Variants in COL23A1 observed in about 807,000 individuals in gnomAD.
The protein encoded by COL23A1 is collagen alpha-1(XXIII) chain.
In COL23A1, 97 loss-of-function variants were observed where a neutral mutation model predicts 99.3. The ratio of observed to expected loss-of-function variants is 0.98; its 90% CI spans 0.83 to 1.16. COL23A1 has a LOEUF of 1.16. COL23A1 is among the 50% of genes most tolerant of loss of function. The pLI is 0.00. For missense variants in COL23A1, 762 were observed against 757.4 expected, an observed-to-expected ratio of 1.01 and a Z score of -0.07; for synonymous variants, 320 against 308.2, an observed-to-expected ratio of 1.04 and a Z score of -0.40.
chr5:178,254,441 C>T (rs1765199343), intron 16 of COL23A1, among the ~76,000 whole-genome samples: 1 of 152,220 alleles, frequency 6.6e-6, no homozygotes, highest in Non-Finnish European at 1.5e-5. Flanking sequence ...CCTTCCTCAC[C>T]CACTTTCCTT....
intron 2 of COL23A1, among the ~76,000 whole-genome samples, chr5:178,537,944 C>T (rs1472043251): frequency 6.6e-6 from 1 of 152,248 alleles, no homozygotes; most frequent in African/African-American, 2.4e-5. Flanking sequence ...CCCTGGCACT[C>T]ACCCCAGGTA....
intron 2 of COL23A1, among the ~76,000 whole-genome samples, chr5:178,485,673 G>A (rs1399625197): frequency 6.6e-6 from 1 of 151,546 alleles, no homozygotes; most frequent in African/African-American, 2.4e-5. Flanking sequence ...CCAGCTACTC[G>A]GGAGGCTGAG....
chr5:178,518,737 GGGT>G (rs1279051248), intron 2 of COL23A1, among the ~76,000 whole-genome samples: 1 of 150,618 alleles, frequency 6.6e-6, no homozygotes, highest in African/African-American at 2.4e-5. Flanking sequence ...TTCCCAGACG[GGGT>G]GGCAGCCGGG....
At chr5:178,288,447 C>T in intron 4 of COL23A1, 97 bp from the exon 5 acceptor site, 1 of 1,058,046 alleles carries the variant, frequency 9.5e-7, no homozygotes, top group Non-Finnish European at 1.5e-6. Flanking sequence ...CACCCGCCCC[C>T]CGACAGCTGG....
intron 1 of COL23A1, 91 bp from the exon 2 acceptor site, chr5:178,560,839 T>A: frequency 7.8e-7 from 1 of 1,289,828 alleles, no homozygotes; most frequent in East Asian, 2.5e-5. Context: ...CAAAAACAAA[T>A]GTATCTAAAC....
chr5:178,315,647 A>T (rs1383123333), intron 2 of COL23A1, among the ~76,000 whole-genome samples: 1 of 152,074 alleles, frequency 6.6e-6, no homozygotes, highest in African/African-American at 2.4e-5. Flanking sequence ...GAAGGGGACA[A>T]GGGCTGGTCA....
intron 2 of COL23A1, among the ~76,000 whole-genome samples, chr5:178,484,528 G>C (rs967025833): frequency 3.9e-5 from 6 of 152,030 alleles, no homozygotes; most frequent in Non-Finnish European, 5.9e-5. Context: ...GAAACTGTAA[G>C]AACAGTGAGG....
chr5:178,424,994 C>G (rs1331451786), intron 2 of COL23A1, among the ~76,000 whole-genome samples: 1 of 152,246 alleles, frequency 6.6e-6, no homozygotes, highest in Non-Finnish European at 1.5e-5. Context: ...CCATCCAGTT[C>G]TGGAGGCTTC....
chr5:178,247,981 G>A (rs926570891), intron 20 of COL23A1, 150 bp from the exon 21 acceptor site: 4 of 767,966 alleles, frequency 5.2e-6, no homozygotes, highest in Non-Finnish European at 8.5e-6. Context: ...GGTCTGCGGA[G>A]CTTATAGTGA....
chr5:178,411,801 TCATA>T, intron 2 of COL23A1, among the ~76,000 whole-genome samples: 1 of 152,364 alleles, frequency 6.6e-6, no homozygotes, highest in African/African-American at 2.4e-5. Flanking sequence ...ATATTCAACC[TCATA>T]CATAATTAAA....
chr5:178,578,030 AGCATGCACACACGT>A (rs1223992032), intron 1 of COL23A1, among the ~76,000 whole-genome samples: 4 of 152,220 alleles, frequency 2.6e-5, no homozygotes, highest in South Asian at 4.1e-4. Context: ...GTGCCCACAC[AGCATGCACACACGT>A]GCATGCACAC....
At chr5:178,291,603 T>A (rs1757462334) in intron 3 of COL23A1, among the ~76,000 whole-genome samples, 1 of 152,138 alleles carries the variant, frequency 6.6e-6, no homozygotes, top group Non-Finnish European at 1.5e-5. Flanking sequence ...CGGGGGTTTG[T>A]TTCCATGTAA....
intron 2 of COL23A1, among the ~76,000 whole-genome samples, chr5:178,458,297 G>A (rs1463678119): frequency 6.6e-6 from 1 of 152,114 alleles, no homozygotes; most frequent in Non-Finnish European, 1.5e-5. Flanking sequence ...AGTGGATGCA[G>A]GGGGCGGGGG....
At chr5:178,389,141 C>A (rs909018368) in intron 2 of COL23A1, among the ~76,000 whole-genome samples, 2 of 151,492 alleles carry the variant, frequency 1.3e-5, no homozygotes, top group African/African-American at 4.9e-5. Context: ...TTTACATAAC[C>A]CAGCCTTGAC....
chr5:178,357,880 T>C (rs1398968195), intron 2 of COL23A1, among the ~76,000 whole-genome samples: 1 of 144,648 alleles, frequency 6.9e-6, no homozygotes, highest in Non-Finnish European at 1.6e-5. Context: ...TGTGTGCATG[T>C]GTACGTGTGT....
intron 2 of COL23A1, among the ~76,000 whole-genome samples, chr5:178,437,721 G>A (rs979016307): frequency 2.6e-5 from 4 of 152,172 alleles, no homozygotes; most frequent in Non-Finnish European, 5.9e-5. Context: ...CTGCTCACCT[G>A]GCCCCTCTGT....
At chr5:178,563,765 C>T (rs1188645782) in intron 1 of COL23A1, among the ~76,000 whole-genome samples, 1 of 152,040 alleles carries the variant, frequency 6.6e-6, no homozygotes, top group African/African-American at 2.4e-5. Flanking sequence ...TTCCTGGGCT[C>T]AAGCAATCCT....
intron 3 of COL23A1, among the ~76,000 whole-genome samples, chr5:178,294,028 T>C (rs1561834464): frequency 6.6e-6 from 1 of 151,950 alleles, no homozygotes; most frequent in Non-Finnish European, 1.5e-5. Context: ...TGGAACCGAC[T>C]AGCAATGAGG....
intron 2 of COL23A1, among the ~76,000 whole-genome samples, chr5:178,518,813 C>G (rs1336116446): frequency 6.7e-6 from 1 of 148,890 alleles, no homozygotes; most frequent in African/African-American, 2.5e-5. Context: ...GCCCTCGGGC[C>G]CCGCGGGGCC....
Sources: gnomAD v4.1 joint callset for allele counts (sites outside exome capture counted in the v4.1 genomes callset) on GRCh38, gnomAD v4.1.1 for gene constraint, MANE v1.5 for transcripts, NCBI Gene and HGNC (gene_info 2026-07-23, HGNC 2026-07-21) for gene names.